The following WWOX variants were observed in gnomAD, a reference collection of about 807,000 sequenced individuals.
WWOX encodes the protein WW domain-containing oxidoreductase.
Under a neutral mutation model 46.2 loss-of-function variants are expected in WWOX, and 69 were observed. That is an observed-to-expected ratio of 1.49 (90% CI 1.23 to 1.82). The LOEUF (loss-of-function observed/expected upper bound fraction) is 1.82, where lower values mean the gene tolerates loss of function less well. Among genes scored for constraint, WWOX ranks in the 40% most tolerant of loss-of-function variants. The pLI, the probability that WWOX is intolerant of heterozygous loss-of-function variation, is 0.00. For synonymous variants in WWOX, 359 were observed against 202.6 expected (o/e 1.77, Z -6.56); for missense variants, 919 against 542.6 (o/e 1.69, Z -6.89).
intron 5 of WWOX, among the ~76,000 whole-genome samples, chr16:78,244,850 A>T (rs1428810209): frequency 6.6e-6 from 1 of 152,206 alleles, no homozygotes; most frequent in Non-Finnish European, 1.5e-5. Context: ...TTCTTCTTAA[A>T]ATTAGCTATT....
At chr16:78,915,560 T>G (rs1209147602) in intron 8 of WWOX, among the ~76,000 whole-genome samples, 2 of 152,112 alleles carry the variant, frequency 1.3e-5, no homozygotes, top group African/African-American at 4.8e-5. Context: ...ATTTGAAGAT[T>G]TAAAAAAATG....
In WWOX at chr16:79,099,374, T is replaced by A. The variant is rs1213319561; in HGVS notation, c.1057-112234T>A. On this transcript the variant is annotated intron_variant, in intron 8 of 8. Coordinates refer to ENST00000566780, the MANE Select transcript of WWOX (RefSeq NM_016373.4). ...AAAAGAAAAACAATGTAAGGTCCCG[T>A]GACAATTAGCCTTACTGCCGGGGAG... Among the ~76,000 whole-genome samples the A allele has an allele frequency of 2.0e-5, 3 of 152,144 alleles. No individual in the cohort carries two copies. The East Asian group carries it at 5.8e-4, about 29-fold the overall frequency.
intron 8 of WWOX, among the ~76,000 whole-genome samples, chr16:78,756,320 C>CCAA (rs1555529767): frequency 6.6e-6 from 1 of 150,798 alleles, no homozygotes; most frequent in African/African-American, 2.5e-5. Flanking sequence ...GTATTTGAAA[C>CCAA]AAACAAAAAA....
At chr16:78,650,487 T>G (rs2046942762) in intron 8 of WWOX, among the ~76,000 whole-genome samples, 1 of 152,100 alleles carries the variant, frequency 6.6e-6, no homozygotes, top group African/African-American at 2.4e-5. Flanking sequence ...ATGCAATGCT[T>G]GAGATTTGCC....
At chr16:78,949,114 A>G (rs2046006863) in intron 8 of WWOX, among the ~76,000 whole-genome samples, 1 of 152,140 alleles carries the variant, frequency 6.6e-6, no homozygotes, top group East Asian at 1.9e-4. Flanking sequence ...TCAGTTCTGC[A>G]ACTGCATGGA....
chr16:78,937,293 C>T (rs1054047062), intron 8 of WWOX, among the ~76,000 whole-genome samples: 4 of 152,052 alleles, frequency 2.6e-5, no homozygotes, highest in African/African-American at 9.7e-5. Context: ...CCCTGATTCT[C>T]CAATACACCT....
At chr16:78,672,253 A>G (rs2047482453) in intron 8 of WWOX, among the ~76,000 whole-genome samples, 1 of 152,198 alleles carries the variant, frequency 6.6e-6, no homozygotes, top group South Asian at 2.1e-4. Flanking sequence ...CAAGGTGATA[A>G]CCGTAGCATA....
chr16:78,679,918 G>C (rs2047690189), intron 8 of WWOX, among the ~76,000 whole-genome samples: 1 of 152,168 alleles, frequency 6.6e-6, no homozygotes, highest in Non-Finnish European at 1.5e-5. Context: ...CGTAACCAAT[G>C]GCAGCTGAGT....
At chr16:78,880,769 G>T (rs1340371732) in intron 8 of WWOX, among the ~76,000 whole-genome samples, 2 of 152,140 alleles carry the variant, frequency 1.3e-5, no homozygotes, top group South Asian at 2.1e-4. Flanking sequence ...TGGTTTCAAA[G>T]AACTAACTGT....
chr16:78,599,187 T>G (rs904245323), intron 8 of WWOX, among the ~76,000 whole-genome samples: 3 of 152,142 alleles, frequency 2.0e-5, no homozygotes, highest in Non-Finnish European at 4.4e-5. Context: ...AAGACAGAAA[T>G]GTAAATCACC....
intron 8 of WWOX, among the ~76,000 whole-genome samples, chr16:79,191,056 GTTTTT>G (rs1309963075): frequency 6.6e-6 from 1 of 151,952 alleles, no homozygotes; most frequent in African/African-American, 2.4e-5. Context: ...TTGTTTGTTT[GTTTTT>G]AAGAGACGGG....
chr16:79,173,179 A>G (rs1404642127), intron 8 of WWOX, among the ~76,000 whole-genome samples: 1 of 152,196 alleles, frequency 6.6e-6, no homozygotes, highest in Non-Finnish European at 1.5e-5. Context: ...ATAGGCATCT[A>G]CGTCACTGCA....
intron 8 of WWOX, among the ~76,000 whole-genome samples, chr16:78,742,692 C>T (rs2049257961): frequency 1.3e-5 from 2 of 152,282 alleles, no homozygotes; most frequent in Middle Eastern, 3.4e-3. Context: ...GCGTTCTGCC[C>T]TGCGGTTTCA....
At chr16:78,365,331 T>C (rs2081510497) in intron 5 of WWOX, among the ~76,000 whole-genome samples, 1 of 152,128 alleles carries the variant, frequency 6.6e-6, no homozygotes, top group African/African-American at 2.4e-5. Context: ...TATGTTTTTG[T>C]TTTGTTTTTC....
At chr16:78,674,303 G>A (rs533463593) in intron 8 of WWOX, among the ~76,000 whole-genome samples, 2 of 132,452 alleles carry the variant, frequency 1.5e-5, no homozygotes, top group East Asian at 4.4e-4. Context: ...TTCTTTTTTC[G>A]AGAAAGAGTT....
chr16:78,454,357 CGTGTGTGT>C lies in WWOX; in HGVS notation c.1056+21622_1056+21629del, dbSNP rs35670260. Among the ~76,000 whole-genome samples the C allele has an allele frequency of 2.4e-3, 347 of 147,042 alleles. 2 individuals carry two copies. Among genetic ancestry groups the C allele is most frequent in the African/African-American group, 8.7e-3 (330 of 37,804 alleles). ...CAATACATTTATACTTATGTATATT[CGTGTGTGT>C]GTGTGTGTGTGTGTGTATTATATGC... On this transcript the variant is annotated intron_variant, in intron 8 of 8. Transcript: ENST00000566780.
intron 6 of WWOX, among the ~76,000 whole-genome samples, chr16:78,400,582 C>G (rs1001222639): frequency 7.2e-5 from 11 of 152,068 alleles, no homozygotes; most frequent in African/African-American, 2.7e-4. Flanking sequence ...CCAACTTGGC[C>G]CATGAATCCA....
intron 8 of WWOX, among the ~76,000 whole-genome samples, chr16:78,470,599 G>C (rs759984061): frequency 5.9e-5 from 9 of 152,154 alleles, no homozygotes; most frequent in African/African-American, 9.7e-5. Context: ...GCACCATCTT[G>C]ACTTACTGAA....
intron 8 of WWOX, among the ~76,000 whole-genome samples, chr16:79,178,927 A>G (rs570676349): frequency 1.3e-5 from 2 of 152,208 alleles, no homozygotes; most frequent in Non-Finnish European, 2.9e-5. Context: ...ACTGAGTATT[A>G]TATTTCCCAT....
Sources: gnomAD v4.1 joint callset for allele counts (sites outside exome capture counted in the v4.1 genomes callset) on GRCh38, gnomAD v4.1.1 for gene constraint, MANE v1.5 for transcripts, NCBI Gene and HGNC (gene_info 2026-07-23, HGNC 2026-07-21) for gene names.